The following SEMA4D variants were observed in gnomAD, a reference collection of about 807,000 sequenced individuals.
SEMA4D encodes semaphorin 4D, also known as semaphorin-4D.
A neutral mutation model predicts 74.8 loss-of-function variants in SEMA4D; 22 were observed. The ratio of observed to expected loss-of-function variants is 0.29; its 90% CI spans 0.21 to 0.42. The LOEUF is 0.42. SEMA4D is among the 10% of genes least tolerant of loss of function. SEMA4D has a pLI of 1.00. For synonymous variants in SEMA4D, 445 were observed against 463.7 expected (o/e 0.96, Z 0.52); for missense variants, 937 against 1,118.4 (o/e 0.84, Z 2.31).
In SEMA4D at chr9:89,484,057, G is replaced by C. The variant is rs993527249; in HGVS notation, c.-310+13862C>G. Among the ~76,000 whole-genome samples, 6 of 152,218 alleles carry C rather than the reference G, an allele frequency of 3.9e-5. No homozygotes were observed. Among genetic ancestry groups the C allele is most frequent in the African/African-American group, 1.2e-4 (5 of 41,462 alleles). ...GGACAACCCCACTAAGGAAGAGGGC[G>C]GGCCCCACTGAGGCTGCGCACAAGC... is the stretch of plus-strand genomic sequence containing the variant. On this transcript the variant is annotated intron_variant, in intron 1 of 15. Transcript: ENST00000422704. The surrounding 1 kb of genome is among the most constrained non-coding windows in gnomAD (Gnocchi z 4.1).
At chr9:89,471,103 CTT>C (rs1224131660) in intron 1 of SEMA4D, among the ~76,000 whole-genome samples, 6 of 152,298 alleles carry the variant, frequency 3.9e-5, no homozygotes, top group African/African-American at 1.2e-4. Context: ...ATTGAAATGT[CTT>C]TTAAAATACC....
At chr9:89,456,175 T>C (rs546984072) in intron 1 of SEMA4D, among the ~76,000 whole-genome samples, 3 of 152,310 alleles carry the variant, frequency 2.0e-5, no homozygotes, top group African/African-American at 7.2e-5. Context: ...TATCAAGAAC[T>C]GGGAGGGAGG....
intron 16 of SEMA4D, chr9:89,364,248 CT>C: frequency 2.1e-6 from 1 of 484,030 alleles, no homozygotes; most frequent in Non-Finnish European, 3.7e-6. Context: ...GTGCTGGTTT[CT>C]TACAGAATGG....
intron 2 of SEMA4D, among the ~76,000 whole-genome samples, chr9:89,414,423 A>G (rs1845247231): frequency 6.6e-6 from 1 of 152,136 alleles, no homozygotes; most frequent in Non-Finnish European, 1.5e-5. Context: ...CGCACTCACC[A>G]CATCTTCCCT....
Position 89,381,463 on chromosome 9 carries a change from C to A in SEMA4D, c.1447-117G>T. On this transcript the variant is annotated intron_variant, in intron 13 of 15. Transcript: ENST00000422704. The surrounding 1 kb of genome is among the most constrained non-coding windows in gnomAD (Gnocchi z 4.6). ...CAGAGTGTACCTTCAGGGGACATTGCAGTAAGGAGGAGAGGTACTCAGAAC... is the reference window on the plus strand; with the variant it reads ...CAGAGTGTACCTTCAGGGGACATTGAAGTAAGGAGGAGAGGTACTCAGAAC... 1 of 1,015,130 alleles carries A rather than the reference C, an allele frequency of 9.9e-7. No homozygotes were observed. The allele number at this position is 1,015,130 out of a possible 1,614,324, so 62.9% of individuals were successfully genotyped here. A position where few individuals can be genotyped will look rare whatever the true frequency, so the allele number is the denominator to read the frequency against.
At chr9:89,457,413 A>C (rs1262664995) in intron 1 of SEMA4D, among the ~76,000 whole-genome samples, 1 of 152,218 alleles carries the variant, frequency 6.6e-6, no homozygotes, top group African/African-American at 2.4e-5. Context: ...GGTCTATCCA[A>C]ACACTGAAGT....
chr9:89,376,535 A>G (rs1835810256), downstream of SEMA4D: 1 of 318,310 alleles, frequency 3.1e-6, no homozygotes, highest in African/African-American at 2.1e-5. Flanking sequence ...TTACAATACA[A>G]CAGCAGAGCT....
intron 1 of SEMA4D, among the ~76,000 whole-genome samples, chr9:89,468,120 C>T (rs77692413): frequency 0.01 from 1,566 of 152,296 alleles, 27 homozygotes; most frequent in African/African-American, 0.036. Flanking sequence ...GAAAACTCAG[C>T]GCCATAGGAT....
At chr9:89,450,543 G>T in intron 2 of SEMA4D, 1 of 1,111,562 alleles carries the variant, frequency 9.0e-7, no homozygotes, top group Non-Finnish European at 1.4e-6. Flanking sequence ...CCTGCCCAAT[G>T]GCCCCATGCA....
At chr9:89,392,689 G>T (rs143879902) in intron 7 of SEMA4D, among the ~76,000 whole-genome samples, 153 bp from the exon 8 acceptor site, 295 of 150,080 alleles carry the variant, frequency 2.0e-3, no homozygotes, top group African/African-American at 6.8e-3. Context: ...AACTTTTGGG[G>T]TGTCCTGTGT....
At chr9:89,395,124 T>G (rs1303801879) in intron 6 of SEMA4D, among the ~76,000 whole-genome samples, 1 of 152,176 alleles carries the variant, frequency 6.6e-6, no homozygotes, top group Non-Finnish European at 1.5e-5. Context: ...AAACTTTTAT[T>G]AAAAATATTA....
intron 2 of SEMA4D, among the ~76,000 whole-genome samples, chr9:89,406,602 C>A (rs1001753928): frequency 2.6e-5 from 4 of 152,234 alleles, no homozygotes; most frequent in African/African-American, 9.6e-5. Context: ...TGATCTGGGG[C>A]CAGCTGCACC....
chr9:89,457,032 G>A (rs1442495940), intron 1 of SEMA4D, among the ~76,000 whole-genome samples: 7 of 152,164 alleles, frequency 4.6e-5, no homozygotes, highest in African/African-American at 1.2e-4. Context: ...AGTGAGCATC[G>A]CAAAGTCCCC....
chr9:89,433,251 C>T (rs1849653848), intron 2 of SEMA4D, among the ~76,000 whole-genome samples: 1 of 152,234 alleles, frequency 6.6e-6, no homozygotes, highest in African/African-American at 2.4e-5. Flanking sequence ...CACGAGTCCC[C>T]CATGAGTGCA....
At chr9:89,402,680 T>A (rs1296749696) in intron 4 of SEMA4D, among the ~76,000 whole-genome samples, 191 bp downstream of exon 4, 2 of 66,860 alleles carry the variant, frequency 3.0e-5, no homozygotes, top group African/African-American at 7.4e-5. Context: ...TAATAAAAAG[T>A]TCAAAAAAAA....
exon 19 of SEMA4D, chr9:89,360,943 A>G (rs1368138741): frequency 6.6e-6 from 1 of 152,220 alleles, no homozygotes; most frequent in East Asian, 1.9e-4. Flanking sequence ...TGAAATCCAG[A>G]CTTCAGGAGA....
chr9:89,460,757 G>C (rs1395199354), intron 1 of SEMA4D, among the ~76,000 whole-genome samples: 1 of 152,236 alleles, frequency 6.6e-6, no homozygotes, highest in Non-Finnish European at 1.5e-5. Flanking sequence ...ACAGACACGG[G>C]CATCCTACAG....
At chr9:89,365,681 C>T (rs564206041) in intron 16 of SEMA4D, 3 of 152,232 alleles carry the variant, frequency 2.0e-5, no homozygotes, top group South Asian at 2.1e-4. Flanking sequence ...GTCCAAAGTA[C>T]CTGCACACAC....
rs545275735 is a variant in SEMA4D, at chr9:89,363,085, C to T, written c.2190+345G>A. 1.3e-3 allele frequency among the ~76,000 whole-genome samples: 196 copies of T among 152,270 alleles called. 2 individuals are homozygous for T. The highest frequency in any genetic ancestry group is 4.5e-3 in the African/African-American group (188 of 41,564). ...TTCCCCATCTGTCCAGGTTTCCTGC[C>T]CTCCTCAAAGGAGTGGCTGGCTGAG... On this transcript the variant is annotated intron_variant, in intron 18 of 18. Transcript: ENST00000339861.
Sources: allele counts gnomAD v4.1 joint callset (sites outside exome capture counted in the v4.1 genomes callset), GRCh38; gene constraint gnomAD v4.1.1; non-coding constraint Gnocchi (gnomAD v3.1); transcripts MANE v1.5; gene names NCBI Gene and HGNC (gene_info 2026-07-23, HGNC 2026-07-21).